The following ZC3H18 variants were observed in gnomAD, a reference collection of about 807,000 sequenced individuals.
ZC3H18 encodes zinc finger CCCH-type containing 18.
Under a neutral mutation model 106.1 loss-of-function variants are expected in ZC3H18, and 8 were observed. The ratio of observed to expected loss-of-function variants is 0.08; its 90% CI spans 0.04 to 0.14. The LOEUF (loss-of-function observed/expected upper bound fraction) is 0.14. ZC3H18 is among the 10% of genes least tolerant of loss of function. ZC3H18 has a pLI of 1.00. For missense variants in ZC3H18, 1,318 were observed against 1,278.4 expected (o/e 1.03, Z -0.47); for synonymous variants, 635 against 522.1 (o/e 1.22, Z -2.95).
At chr16:88,617,901 C>G (rs1432239766) in intron 8 of ZC3H18, among the ~76,000 whole-genome samples, 1 of 152,266 alleles carries the variant, frequency 6.6e-6, no homozygotes, top group Non-Finnish European at 1.5e-5. Context: ...CCCCAGGAGT[C>G]TCAAGATCTC....
At chr16:88,588,146 T>C (rs1263701820) in intron 3 of ZC3H18, among the ~76,000 whole-genome samples, 1 of 152,176 alleles carries the variant, frequency 6.6e-6, no homozygotes, top group African/African-American at 2.4e-5. Flanking sequence ...TTTAAAGAAA[T>C]TGGAATTTAA....
chr16:88,597,975 C>T (rs962935456), intron 3 of ZC3H18, among the ~76,000 whole-genome samples: 2 of 152,206 alleles, frequency 1.3e-5, no homozygotes, highest in East Asian at 1.9e-4. Flanking sequence ...GGGGAACTGC[C>T]GTGCCTGGGC....
At chr16:88,571,393 C>G (rs1305914671) in intron 1 of ZC3H18, among the ~76,000 whole-genome samples, 1 of 152,216 alleles carries the variant, frequency 6.6e-6, no homozygotes, top group African/African-American at 2.4e-5. Flanking sequence ...ATCATGTCTC[C>G]TGTTAGACTC....
chr16:88,602,846 A>T (rs557588760), intron 6 of ZC3H18, among the ~76,000 whole-genome samples: 2 of 152,316 alleles, frequency 1.3e-5, no homozygotes, highest in South Asian at 4.1e-4. Flanking sequence ...AAGCACCTTC[A>T]TGCAGGCAGG....
intron 13 of ZC3H18, chr16:88,625,532 C>A (rs887802096): frequency 6.0e-6 from 3 of 500,740 alleles, no homozygotes; most frequent in Non-Finnish European, 1.1e-5. Flanking sequence ...GGTGCCTCTG[C>A]CCTGCTGACT....
chr16:88,589,122 TTTATGA>T (rs1331729238), intron 3 of ZC3H18, among the ~76,000 whole-genome samples: 3 of 152,206 alleles, frequency 2.0e-5, no homozygotes, highest in Non-Finnish European at 2.9e-5. Context: ...AATTCTTCAG[TTTATGA>T]TCTCTCCAAT....
chr16:88,597,971 CTGCCGTGCCTGGGCA>C (rs1228854744), intron 3 of ZC3H18, among the ~76,000 whole-genome samples, 192 bp from the exon 4 acceptor site: 1 of 152,238 alleles, frequency 6.6e-6, no homozygotes, highest in Non-Finnish European at 1.5e-5. Context: ...CTCTGGGGAA[CTGCCGTGCCTGGGCA>C]GGTGCAGCTG....
intron 2 of ZC3H18, among the ~76,000 whole-genome samples, chr16:88,583,687 G>T (rs1487104814): frequency 2.0e-5 from 3 of 152,226 alleles, no homozygotes; most frequent in Non-Finnish European, 2.9e-5. Flanking sequence ...GAGTGTGCCA[G>T]CGTGGAGACC....
At chr16:88,601,082 G>C (rs1031119697) in intron 6 of ZC3H18, among the ~76,000 whole-genome samples, 21 of 152,242 alleles carry the variant, frequency 1.4e-4, no homozygotes, top group Non-Finnish European at 7.3e-5. Flanking sequence ...TTCTTGCCGC[G>C]AGCAGGCTAC....
chr16:88,616,079 C>G (rs1905583445), intron 8 of ZC3H18, among the ~76,000 whole-genome samples: 1 of 152,196 alleles, frequency 6.6e-6, no homozygotes, highest in East Asian at 1.9e-4. Flanking sequence ...GAGGGTAACT[C>G]TGCCAGCATG....
At chr16:88,628,624 G>A (rs952896552) in intron 15 of ZC3H18, 134 bp from the exon 16 acceptor site, 9 of 909,168 alleles carry the variant, frequency 9.9e-6, no homozygotes, top group African/African-American at 3.3e-5. Flanking sequence ...TCAGGGCTAC[G>A]GGGTCTCATG....
intron 3 of ZC3H18, among the ~76,000 whole-genome samples, chr16:88,591,976 A>C (rs915682173): frequency 7.2e-6 from 1 of 137,990 alleles, no homozygotes; most frequent in African/African-American, 2.8e-5. Flanking sequence ...CTTTTGAGGA[A>C]CCGCTGGCAG....
At position 88,631,268 on chromosome 16, in the gene ZC3H18, G is replaced by A; in HGVS notation, c.2831G>A (p.Arg944His). ...QLKAVEDAIA[R>H]KRAKIPGKA ...AAGGCCGTGGAGGATGCTATTGCAC[G>A]CAAGCGGGCCAAGATCCCCGGGAAA... Residue 944 changes from arginine to histidine, a missense_variant, in exon 18 of 18, where the codon CGC becomes CAC. Arg to His is a conservative substitution (Grantham distance 29, BLOSUM62 0). Transcript: ENST00000301011. 1 of 1,601,108 alleles carries A rather than the reference G, an allele frequency of 6.2e-7. No individual in the cohort carries two copies. Among genetic ancestry groups the A allele is most frequent in the Non-Finnish European group, 8.5e-7 (1 of 1,174,278 alleles).
chr16:88,578,331 C>T (rs1240672990), intron 2 of ZC3H18, among the ~76,000 whole-genome samples: 2 of 152,068 alleles, frequency 1.3e-5, no homozygotes, highest in African/African-American at 4.8e-5. Context: ...ATTAATGTGG[C>T]CTTCAGGTTG....
At chr16:88,593,726 C>G (rs966567645) in intron 3 of ZC3H18, among the ~76,000 whole-genome samples, 1 of 152,190 alleles carries the variant, frequency 6.6e-6, no homozygotes, top group Non-Finnish European at 1.5e-5. Context: ...GAATGCAGAT[C>G]CGGGTCCTGG....
chr16:88,612,414 T>C (rs984929985), intron 8 of ZC3H18, among the ~76,000 whole-genome samples: 2 of 151,436 alleles, frequency 1.3e-5, no homozygotes, highest in Non-Finnish European at 2.9e-5. Context: ...ACTTGCACCC[T>C]GCACTTTGGG....
At position 88,606,352 on chromosome 16, in the gene ZC3H18, G is replaced by C. The variant is rs56128712; in HGVS notation, c.1089-2582G>C. ...TCTCTAGAACGCATGCTGCGGAGCA[G>C]ATGGTTCCGAGGCAGCCACGCTGAG... is the stretch of plus-strand genomic sequence containing the variant. On this transcript the variant is annotated intron_variant, in intron 6 of 17. Coordinates refer to ENST00000301011, the MANE Select transcript of ZC3H18 (RefSeq NM_144604.4). Among the ~76,000 whole-genome samples, 228 of 152,376 alleles carry C rather than the reference G, an allele frequency of 1.5e-3. 3 individuals carry two copies. The highest frequency in any genetic ancestry group is 5.4e-3 in the African/African-American group (225 of 41,590).
At chr16:88,625,029 C>CTTTT (rs929605755) in intron 12 of ZC3H18, among the ~76,000 whole-genome samples, 173 bp from the exon 13 acceptor site, 2 of 152,196 alleles carry the variant, frequency 1.3e-5, no homozygotes, top group Non-Finnish European at 2.9e-5. Context: ...AGAGACTGTA[C>CTTTT]TTTTTATCTT....
intron 2 of ZC3H18, among the ~76,000 whole-genome samples, chr16:88,582,853 G>A (rs1266015283): frequency 6.6e-6 from 1 of 152,182 alleles, no homozygotes; most frequent in African/African-American, 2.4e-5. Context: ...CCCCTCTTGT[G>A]GGAGGGTCCC....
Sources: allele counts gnomAD v4.1 joint callset (sites outside exome capture counted in the v4.1 genomes callset), GRCh38; gene constraint gnomAD v4.1.1; transcripts MANE v1.5; gene names NCBI Gene and HGNC (gene_info 2026-07-23, HGNC 2026-07-21).